The following BMERB1 variants were observed in gnomAD, a reference collection of about 807,000 sequenced individuals.
BMERB1 encodes bMERB domain-containing protein 1.
Under a neutral mutation model 23.6 loss-of-function variants are expected in BMERB1, and 12 were observed. The ratio of observed to expected loss-of-function variants is 0.51; its 90% confidence interval spans 0.33 to 0.82. The LOEUF (loss-of-function observed/expected upper bound fraction) is 0.82, where lower values mean the gene tolerates loss of function less well. Ranked by LOEUF, BMERB1 falls within the 40% of genes least tolerant of loss-of-function variation. The pLI is 0.03. For missense variants in BMERB1, 247 were observed against 255.4 expected (o/e 0.97, Z 0.22); for synonymous variants, 122 against 96.6 (o/e 1.26, Z -1.54).
chr16:15,439,295 G>T (rs927791916), intron 1 of BMERB1, among the ~76,000 whole-genome samples: 1 of 152,158 alleles, frequency 6.6e-6, no homozygotes, highest in African/African-American at 2.4e-5. Context: ...TGTGTCAGTT[G>T]CCTCATCTGT....
At chr16:15,585,151 C>T (rs535908460) in intron 5 of BMERB1, among the ~76,000 whole-genome samples, 4 of 152,356 alleles carry the variant, frequency 2.6e-5, no homozygotes, top group Middle Eastern at 3.4e-3. Flanking sequence ...CTCCTATAAC[C>T]ACAAGGCACG....
intron 1 of BMERB1, among the ~76,000 whole-genome samples, chr16:15,451,208 T>A (rs545904691): frequency 1.3e-5 from 2 of 152,194 alleles, no homozygotes; most frequent in South Asian, 2.1e-4. Flanking sequence ...TGAGACAGAG[T>A]CTCCCTCTCT....
intron 5 of BMERB1, among the ~76,000 whole-genome samples, chr16:15,583,730 C>T (rs1222451826): frequency 6.6e-6 from 1 of 152,052 alleles, no homozygotes; most frequent in Non-Finnish European, 1.5e-5. Context: ...AGGCAGTTGC[C>T]TGGGGCCTCA....
At chr16:15,455,109 G>A (rs2051073611) in intron 1 of BMERB1, among the ~76,000 whole-genome samples, 1 of 152,068 alleles carries the variant, frequency 6.6e-6, no homozygotes, top group Admixed American at 6.6e-5. Flanking sequence ...GCAGAGGCAG[G>A]TGACCTGAGG....
At chr16:15,584,529 G>A (rs1310485020) in intron 5 of BMERB1, among the ~76,000 whole-genome samples, 1 of 147,966 alleles carries the variant, frequency 6.8e-6, no homozygotes, top group Non-Finnish European at 1.5e-5. Flanking sequence ...CTACACTCCA[G>A]CCTGGGTGAC....
intron 3 of BMERB1, among the ~76,000 whole-genome samples, chr16:15,572,615 C>T (rs545955908): frequency 3.3e-5 from 5 of 152,220 alleles, no homozygotes; most frequent in East Asian, 3.9e-4. Context: ...CATAAAACAA[C>T]GAAGGAATGA....
At chr16:15,547,455 C>G (rs1186914195) in intron 2 of BMERB1, among the ~76,000 whole-genome samples, 6 of 151,970 alleles carry the variant, frequency 3.9e-5, no homozygotes, top group African/African-American at 1.4e-4. Flanking sequence ...GATTCTCCTG[C>G]TGCAGCCTCC....
At chr16:15,583,578 A>G (rs2031069254) in intron 5 of BMERB1, among the ~76,000 whole-genome samples, 1 of 83,770 alleles carries the variant, frequency 1.2e-5, no homozygotes, top group African/African-American at 8.3e-5. Flanking sequence ...ACTTTGTCTC[A>G]AAAAAAAAAA....
intron 2 of BMERB1, among the ~76,000 whole-genome samples, chr16:15,540,128 CAG>C (rs1431218527): frequency 6.6e-6 from 1 of 152,044 alleles, no homozygotes; most frequent in Non-Finnish European, 1.5e-5. Flanking sequence ...ACTTGGACGA[CAG>C]AGTGAGACCC....
At chr16:15,506,219 A>T (rs996544053) in intron 1 of BMERB1, among the ~76,000 whole-genome samples, 3 of 151,552 alleles carry the variant, frequency 2.0e-5, no homozygotes, top group Non-Finnish European at 4.4e-5. Context: ...TCTGTCACCC[A>T]GGCTGGAGTG....
At chr16:15,454,389 C>G (rs899530339) in intron 1 of BMERB1, among the ~76,000 whole-genome samples, 1 of 152,204 alleles carries the variant, frequency 6.6e-6, no homozygotes, top group Admixed American at 6.5e-5. Flanking sequence ...GACAGAGTTG[C>G]TTCCTTTCCC....
At chr16:15,459,731 A>G (rs550761717) in intron 1 of BMERB1, among the ~76,000 whole-genome samples, 1 of 152,132 alleles carries the variant, frequency 6.6e-6, no homozygotes, top group African/African-American at 2.4e-5. Context: ...CCTCCTGTCC[A>G]CTCCATTCTA....
At chr16:15,562,460 T>G (rs2030449535) in intron 2 of BMERB1, among the ~76,000 whole-genome samples, 1 of 152,148 alleles carries the variant, frequency 6.6e-6, no homozygotes, top group South Asian at 2.1e-4. Context: ...TTTCTCCATC[T>G]TCTCCTCTCT....
In BMERB1 at chr16:15,480,023, A is replaced by ATATATATAATATATATATAT. The variant is rs567929504; in HGVS notation, c.107-35282_107-35281insTATATATAATATATATATAT. 7.3e-3 allele frequency among the ~76,000 whole-genome samples: 1,072 copies of ATATATATAATATATATATAT among 147,800 alleles called. 15 individuals are homozygous for ATATATATAATATATATATAT. Among genetic ancestry groups the ATATATATAATATATATATAT allele is most frequent in the African/African-American group, 0.026 (1,038 of 40,626 alleles). On this transcript the variant is annotated intron_variant, in intron 1 of 5. Transcript: ENST00000300006. Reference sequence around the variant, plus strand: ...TCATATATATATATAATATATATATAATATATATTTAAAAAGCTCTTTGGG... The same window carrying ATATATATAATATATATATAT: ...TCATATATATATATAATATATATATATATATATAATATATATATATATATATATTTAAAAAGCTCTTTGGG...
chr16:15,449,798 G>A (rs536397673), intron 1 of BMERB1, among the ~76,000 whole-genome samples: 12 of 151,802 alleles, frequency 7.9e-5, no homozygotes, highest in Non-Finnish European at 1.8e-4. Context: ...CACCCATCTC[G>A]GCCTCCCAAA....
chr16:15,545,238 G>A (rs1419034600), intron 2 of BMERB1, among the ~76,000 whole-genome samples: 1 of 152,120 alleles, frequency 6.6e-6, no homozygotes, highest in Non-Finnish European at 1.5e-5. Flanking sequence ...CTCCCAAAGT[G>A]CTAGGATTAC....
intron 1 of BMERB1, among the ~76,000 whole-genome samples, chr16:15,498,974 C>T (rs1285951330): frequency 6.6e-6 from 1 of 152,238 alleles, no homozygotes; most frequent in Non-Finnish European, 1.5e-5. Flanking sequence ...AGCTCTTGCT[C>T]TAGCCTTGGC....
At chr16:15,514,974 C>T (rs927191602) in intron 1 of BMERB1, among the ~76,000 whole-genome samples, 6 of 151,870 alleles carry the variant, frequency 4.0e-5, no homozygotes, top group Admixed American at 1.3e-4. Flanking sequence ...CCCAGCTACT[C>T]GGGAGGCTGA....
chr16:15,445,873 C>A (rs949914510), intron 1 of BMERB1, among the ~76,000 whole-genome samples: 3 of 151,948 alleles, frequency 2.0e-5, no homozygotes, highest in Non-Finnish European at 4.4e-5. Flanking sequence ...TGGAAACAAC[C>A]CAAATATGGT....
Sources: allele counts gnomAD v4.1 joint callset (sites outside exome capture counted in the v4.1 genomes callset), GRCh38; gene constraint gnomAD v4.1.1; transcripts MANE v1.5; gene names NCBI Gene and HGNC (gene_info 2026-07-23, HGNC 2026-07-21).